The following SEMA3E variants were observed in gnomAD, a reference collection of about 807,000 sequenced individuals.
The protein encoded by SEMA3E is semaphorin 3E.
Under a neutral mutation model 93.6 loss-of-function variants are expected in SEMA3E, and 49 were observed. That is an observed-to-expected ratio of 0.52 (90% confidence interval 0.42 to 0.66). The LOEUF (loss-of-function observed/expected upper bound fraction) is 0.66, where lower values mean the gene tolerates loss of function less well. Among genes scored for constraint, SEMA3E ranks in the 30% least tolerant of loss-of-function variants. SEMA3E has a pLI of 0.00. For missense variants in SEMA3E, 906 were observed against 964.8 expected (o/e 0.94, Z 0.81); for synonymous variants, 363 against 330.7 (o/e 1.10, Z -1.06).
chr7:83,540,557 G>A (rs1410713839), intron 1 of SEMA3E, among the ~76,000 whole-genome samples: 3 of 152,092 alleles, frequency 2.0e-5, no homozygotes, highest in African/African-American at 7.2e-5. Flanking sequence ...TTAGTAACTA[G>A]ATATGAATAT....
intron 1 of SEMA3E, among the ~76,000 whole-genome samples, chr7:83,493,127 A>G (rs1790418097): frequency 6.6e-6 from 1 of 151,998 alleles, no homozygotes; most frequent in African/African-American, 2.4e-5. Flanking sequence ...CTGATAAAAC[A>G]GTGCAAAAAA....
intron 1 of SEMA3E, among the ~76,000 whole-genome samples, chr7:83,596,646 G>A (rs1792877492): frequency 2.0e-5 from 3 of 151,910 alleles, no homozygotes; most frequent in Non-Finnish European, 4.4e-5. Flanking sequence ...CAATACCTTA[G>A]CAGATGTTGC....
intron 1 of SEMA3E, among the ~76,000 whole-genome samples, chr7:83,507,647 C>T (rs1277680291): frequency 6.6e-6 from 1 of 151,792 alleles, no homozygotes; most frequent in Non-Finnish European, 1.5e-5. Context: ...ACAATTAAAA[C>T]TGATGCAGGC....
intron 5 of SEMA3E, among the ~76,000 whole-genome samples, chr7:83,413,886 T>C (rs1288529363): frequency 6.6e-6 from 1 of 152,178 alleles, no homozygotes; most frequent in Non-Finnish European, 1.5e-5. Context: ...AAACAGATTC[T>C]CAAAGGAGAG....
intron 5 of SEMA3E, 121 bp downstream of exon 5, chr7:83,418,269 A>T (rs2713146): frequency 3.8e-6 from 3 of 791,778 alleles, no homozygotes; most frequent in Admixed American, 2.1e-5. Flanking sequence ...TTCGAGCATC[A>T]GAAAATAGAT....
intron 16 of SEMA3E, among the ~76,000 whole-genome samples, chr7:83,376,490 T>C (rs778976069): frequency 6.6e-6 from 1 of 151,954 alleles, no homozygotes; most frequent in African/African-American, 2.4e-5. Context: ...TTTTAGACTA[T>C]AGAAACTTAG....
intron 1 of SEMA3E, among the ~76,000 whole-genome samples, chr7:83,492,567 T>C (rs760458180): frequency 2.0e-5 from 3 of 151,986 alleles, no homozygotes; most frequent in Non-Finnish European, 4.4e-5. Context: ...TCTTCCTCTC[T>C]ATGGCCAAAT....
At chr7:83,517,980 T>A (rs547738289) in intron 1 of SEMA3E, among the ~76,000 whole-genome samples, 1 of 152,216 alleles carries the variant, frequency 6.6e-6, no homozygotes, top group South Asian at 2.1e-4. Context: ...CAGAGTTAAT[T>A]CCATTAAGGG....
chr7:83,451,368 A>G (rs931564789), intron 4 of SEMA3E, among the ~76,000 whole-genome samples: 1 of 152,342 alleles, frequency 6.6e-6, no homozygotes, highest in South Asian at 2.1e-4. Context: ...CACCAAATTT[A>G]ACTAAATCTT....
At chr7:83,643,536 C>T (rs1253732768) in intron 1 of SEMA3E, among the ~76,000 whole-genome samples, 1 of 151,840 alleles carries the variant, frequency 6.6e-6, no homozygotes, top group Non-Finnish European at 1.5e-5. Flanking sequence ...AATGCAACAT[C>T]CAGATAAGAA....
intron 4 of SEMA3E, among the ~76,000 whole-genome samples, chr7:83,424,105 C>G (rs1019201719): frequency 6.6e-6 from 1 of 152,042 alleles, no homozygotes; most frequent in Non-Finnish European, 1.5e-5. Context: ...AGGATACATT[C>G]ATTTTATCAG....
intron 1 of SEMA3E, among the ~76,000 whole-genome samples, chr7:83,492,805 A>C (rs1260054294): frequency 6.6e-6 from 1 of 151,992 alleles, no homozygotes; most frequent in Non-Finnish European, 1.5e-5. Context: ...AATGTATTTT[A>C]TTTTACTGGA....
intron 4 of SEMA3E, among the ~76,000 whole-genome samples, chr7:83,440,734 G>A (rs957686158): frequency 4.0e-5 from 6 of 151,412 alleles, no homozygotes; most frequent in Admixed American, 3.3e-4. Flanking sequence ...CCCAGGAGGT[G>A]GAGGTTGCAG....
At chr7:83,550,776 A>G (rs1475331758) in intron 1 of SEMA3E, among the ~76,000 whole-genome samples, 1 of 152,136 alleles carries the variant, frequency 6.6e-6, no homozygotes, top group African/African-American at 2.4e-5. Flanking sequence ...TCCTGGAATC[A>G]TTAATCTGTG....
In SEMA3E at chr7:83,402,757, C is replaced by T. The variant is rs1304279571; in HGVS notation, c.1018G>A (p.Ala340Thr). Residue 340 changes from alanine to threonine, a missense_variant, in exon 10 of 17, where the codon GCT becomes ACT. Transcript: ENST00000643230. ...CTAGACATGTGATAGACACATATAG[C>T]ATGCCCTCGAAAAATATTACTGAAA... Reference protein sequence around the residue: ...NTTSNIFRGHAICVYHMSSIR... With the variant: ...NTTSNIFRGHTICVYHMSSIR... 3.1e-6 allele frequency: 5 copies of T among 1,612,408 alleles called. No individual in the cohort carries two copies. The highest frequency in any genetic ancestry group is 4.2e-6 in the Non-Finnish European group (5 of 1,179,000).
chr7:83,499,502 C>T (rs1183651805), intron 1 of SEMA3E, among the ~76,000 whole-genome samples: 1 of 152,080 alleles, frequency 6.6e-6, no homozygotes, highest in Non-Finnish European at 1.5e-5. Flanking sequence ...TGTGATTGTT[C>T]TTACTACATT....
chr7:83,454,280 T>A (rs1458045221), intron 4 of SEMA3E, among the ~76,000 whole-genome samples: 2,534 of 96,056 alleles, frequency 0.026, 33 homozygotes, highest in East Asian at 0.046. Flanking sequence ...AAAATATATA[T>A]ATATATATAT....
chr7:83,499,073 T>C (rs1200898452), intron 1 of SEMA3E, among the ~76,000 whole-genome samples: 2 of 152,200 alleles, frequency 1.3e-5, no homozygotes, highest in Non-Finnish European at 2.9e-5. Flanking sequence ...TTAGAAGTAT[T>C]TCTGTATCAA....
chr7:83,408,448 C>G lies in SEMA3E; in HGVS notation c.590G>C (p.Ser197Thr). The G allele has an allele frequency of 1.9e-6, 3 of 1,613,800 alleles. No individual in the cohort carries two copies. The highest frequency in any genetic ancestry group is 2.5e-6 in the Non-Finnish European group (3 of 1,179,854). The part of the protein sequence containing the change: ...LFAGLYSDYW[S>T]RDAAIFRSMG... Reference sequence around the variant, plus strand: ...GCTGCGGAAGATCGCAGCGTCTCTGCTCCAGTAGTCACTGTAGAGTCCAGC... The same window carrying G: ...GCTGCGGAAGATCGCAGCGTCTCTGGTCCAGTAGTCACTGTAGAGTCCAGC... Residue 197 changes from serine to threonine, a missense_variant, in exon 6 of 17, where the codon AGC becomes ACC. Physicochemically the swap from Ser to Thr is moderately conservative, Grantham distance 58 (BLOSUM62 1). Transcript: ENST00000643230.
Sources: gnomAD v4.1 joint callset for allele counts (sites outside exome capture counted in the v4.1 genomes callset) on GRCh38, gnomAD v4.1.1 for gene constraint, MANE v1.5 for transcripts, NCBI Gene and HGNC (gene_info 2026-07-23, HGNC 2026-07-21) for gene names.